The following ADGRA2 variants were observed in gnomAD, a reference collection of about 807,000 sequenced individuals.
ADGRA2 encodes G-protein coupled receptor 124.
A neutral mutation model predicts 98.7 loss-of-function variants in ADGRA2; 61 were observed. The observed-to-expected ratio is 0.62, with a 90% confidence interval of 0.50 to 0.76. The LOEUF (loss-of-function observed/expected upper bound fraction) is 0.76. Among genes scored for constraint, ADGRA2 ranks in the 30% least tolerant of loss-of-function variants. The pLI, the probability that ADGRA2 is intolerant of heterozygous loss-of-function variation, is 0.00. For synonymous variants in ADGRA2, 858 were observed against 831.5 expected, an observed-to-expected ratio of 1.03 and a Z score of -0.55; for missense variants, 1,712 against 1,860.0, an observed-to-expected ratio of 0.92 and a Z score of 1.46.
intron 2 of ADGRA2, among the ~76,000 whole-genome samples, chr8:37,827,792 T>G (rs919378166): frequency 7.9e-5 from 12 of 152,090 alleles, no homozygotes; most frequent in African/African-American, 2.9e-4. Flanking sequence ...CTGACCTGTT[T>G]CCTCGCCTGT....
At chr8:37,833,595 A>C in intron 9 of ADGRA2, 93 bp from the exon 10 acceptor site, 1 of 1,305,648 alleles carries the variant, frequency 7.7e-7, no homozygotes. Flanking sequence ...GTCCCCAGGC[A>C]CTGAGCACTG....
At chr8:37,825,385 A>G (rs1805246230) in intron 2 of ADGRA2, among the ~76,000 whole-genome samples, 1 of 150,706 alleles carries the variant, frequency 6.6e-6, no homozygotes. Context: ...CTGGAATTAC[A>G]GGCGCCCACC....
Position 37,837,765 on chromosome 8 carries a change from G to T in ADGRA2, c.2085G>T (p.Val695=). ...GCGTGGGAAACCTGACAGAGCCAGT[G>T]GCCGTTTCGCTGCGGCACTGGGCTG... is the stretch of plus-strand genomic sequence containing the variant. The part of the protein sequence containing the change: ...GCGVGNLTEP[V]AVSLRHWAEG... Residue 695 remains valine, a synonymous_variant, in exon 14 of 19, where the codon GTG becomes GTT. Transcript: ENST00000412232. 6.4e-7 allele frequency: 1 copy of T among 1,553,250 alleles called. No homozygotes were observed. The highest frequency in any genetic ancestry group is 8.7e-7 in the Non-Finnish European group (1 of 1,148,458).
chr8:37,835,191 A>G lies in ADGRA2; in HGVS notation c.1626A>G (p.Ala542=). Residue 542 remains alanine (A), a synonymous_variant, in exon 12 of 19, where the codon GCA becomes GCG. Coordinates refer to ENST00000412232, the MANE Select transcript of ADGRA2 (RefSeq NM_032777.10). ...GTCCCCAGAATGCGAGGAACGTGGC[A>G]TTGGAGGCCTACCTCATCAAGCCGC... The part of the protein sequence containing the change: ...QHISVNARNV[A]LEAYLIKPHS... 2 of 1,613,710 alleles carry G rather than the reference A, an allele frequency of 1.2e-6. No homozygotes were observed. Among genetic ancestry groups the G allele is most frequent in the Non-Finnish European group, 1.7e-6 (2 of 1,179,758 alleles).
In ADGRA2 at chr8:37,837,916, T is replaced by G; in HGVS notation, c.2236T>G (p.Leu746Val). The G allele has an allele frequency of 6.8e-7, 1 of 1,467,374 alleles. No homozygotes were observed. Among genetic ancestry groups the G allele is most frequent in the Non-Finnish European group, 9.0e-7 (1 of 1,108,472 alleles). 90.9% of individuals were successfully genotyped at this position (1,467,374 alleles called of 1,614,324 possible). ...TGTCAGCGCCCTGCACTGCCAGCAC[T>G]TGGGCAATGTGGCCGTGCTCATGGT... ...PNVSALHCQH[L>V]GNVAVLMELS... Residue 746 changes from leucine to valine, a missense_variant, in exon 14 of 19, where the codon TTG becomes GTG. Coordinates refer to ENST00000412232, the MANE Select transcript of ADGRA2 (RefSeq NM_032777.10).
rs1050702512 is a variant in ADGRA2, at chr8:37,844,000, T to A, written c.*1645T>A. The A allele has an allele frequency of 6.3e-6, 1 of 158,912 alleles. No homozygotes were observed. The highest frequency in any genetic ancestry group is 2.4e-5 in the African/African-American group (1 of 41,558). The allele number at this position is 158,912 out of a possible 1,614,324, so 9.8% of individuals were successfully genotyped here. ...TGCCTTAGTCTACCCACTGTCCTTT[T>A]GTTATGAGGTAGAGGATCTCATGAC... On this transcript the variant is annotated 3_prime_UTR_variant, in exon 19 of 19. Coordinates refer to ENST00000412232, the MANE Select transcript of ADGRA2 (RefSeq NM_032777.10).
At chr8:37,829,740 C>G (rs1249894340) in intron 5 of ADGRA2, 111 bp from the exon 6 acceptor site, 12 of 1,145,680 alleles carry the variant, frequency 1.0e-5, no homozygotes, top group Middle Eastern at 5.4e-4. Context: ...CACATAGACC[C>G]GATTTTGCCC....
chr8:37,844,315 C>T lies in ADGRA2; in HGVS notation c.*1960C>T. 2 of 722,046 alleles carry T rather than the reference C, an allele frequency of 2.8e-6. No homozygotes were observed. Among genetic ancestry groups the T allele is most frequent in the Admixed American group, 2.9e-5 (1 of 34,810 alleles). The allele number at this position is 722,046 out of a possible 1,614,324, so 44.7% of individuals were successfully genotyped here. On this transcript the variant is annotated 3_prime_UTR_variant, in exon 19 of 19. Transcript: ENST00000412232. ...GGAATCTCTCCTACCTATAGTCATC[C>T]CTGCACTCCTGACTTTACTCCAGGA...
chr8:37,800,393 T>C (rs1054093310), intron 1 of ADGRA2, among the ~76,000 whole-genome samples: 2 of 152,182 alleles, frequency 1.3e-5, no homozygotes, highest in Admixed American at 6.5e-5. Context: ...CTCAGAGCTC[T>C]CCGAGTAGAT....
rs1805327331 is a variant in ADGRA2 at position 37,827,960 on chromosome 8, C to A, written c.339-928C>A. Among the ~76,000 whole-genome samples the A allele has an allele frequency of 2.0e-5, 3 of 151,610 alleles. No individual in the cohort carries two copies. In the South Asian group the frequency reaches 6.2e-4, roughly 31 times the overall value. Reference sequence around the variant, plus strand: ...ACCAGCCTGGGCAACATAGTGGGACCCTGTCTCTACCAAAAAAAATTTTTT... The same window carrying A: ...ACCAGCCTGGGCAACATAGTGGGACACTGTCTCTACCAAAAAAAATTTTTT... On this transcript the variant is annotated intron_variant, in intron 2 of 18. Transcript: ENST00000412232.
Position 37,843,314 on chromosome 8 carries a change from C to G in ADGRA2, c.*959C>G, listed in dbSNP as rs891965218. On this transcript the variant is annotated 3_prime_UTR_variant, in exon 19 of 19. Transcript: ENST00000412232. ...CTAAGGAAGAGCACTTCCTTGCCTC[C>G]GTAAGGCCAGAGGAAGAACCATCCC... 2.0e-5 allele frequency: 3 copies of G among 152,328 alleles called. No individual in the cohort carries two copies. The highest frequency in any genetic ancestry group is 2.0e-4 in the Admixed American group (3 of 15,290). 9.4% of individuals were successfully genotyped at this position (152,328 alleles called of 1,614,324 possible).
Position 37,840,107 on chromosome 8 carries a change from C to T in ADGRA2, c.2512-14C>T. 1 of 1,571,590 alleles carries T rather than the reference C, an allele frequency of 6.4e-7. No individual in the cohort carries two copies. The stretch of plus-strand genomic sequence containing the variant: ...AGTCCCCAGGTCCCCAGCCTCCGTG[C>T]CTTGACCCCGCAGGTGGGCATCACC... On this transcript the variant is annotated splice_polypyrimidine_tract_variant and intron_variant, in intron 16 of 18. Transcript: ENST00000412232.
At position 37,814,168 on chromosome 8, in the gene ADGRA2, G is replaced by A. The variant is rs930773014; in HGVS notation, c.267-728G>A. ...GCAGAGAAAGGCTGAGTGGGTGGGC[G>A]GAGATGAGACACTCGGTCTCTCTCA... On this transcript the variant is annotated intron_variant, in intron 1 of 18. Transcript: ENST00000412232. The surrounding 1 kb of genome is among the most constrained non-coding windows in gnomAD (Gnocchi z 4.3). Among the ~76,000 whole-genome samples, 1 of 152,314 alleles carries A rather than the reference G, an allele frequency of 6.6e-6. No individual in the cohort carries two copies. The highest frequency in any genetic ancestry group is 2.1e-4 in the South Asian group (1 of 4,826).
intron 1 of ADGRA2, among the ~76,000 whole-genome samples, chr8:37,798,238 C>T (rs569593669): frequency 6.6e-6 from 1 of 152,372 alleles, no homozygotes; most frequent in East Asian, 1.9e-4. Flanking sequence ...TCTCCTTTGC[C>T]TCTCCTGGAA....
rs762147062 is a variant in ADGRA2 at position 37,844,514 on chromosome 8, GGCAGCCTGTCTA to G, written c.*2168_*2179del. 3 of 1,613,350 alleles carry G rather than the reference GGCAGCCTGTCTA, an allele frequency of 1.9e-6. No individual in the cohort carries two copies. In the South Asian group the frequency reaches 3.3e-5, roughly 18 times the overall value. On this transcript the variant is annotated 3_prime_UTR_variant, in exon 19 of 19. Transcript: ENST00000412232. ...ATCAGGGAGGGTTAGGGACACTCGT[GGCAGCCTGTCTA>G]GCAGCCTGGGCTCTCTGAAAGTCCC...
At position 37,833,963 on chromosome 8, in the gene ADGRA2, C is replaced by T. The variant is rs1805534049; in HGVS notation, c.1447-4C>T. On this transcript the variant is annotated splice_polypyrimidine_tract_variant and splice_region_variant and intron_variant, in intron 10 of 18. Coordinates refer to ENST00000412232, the MANE Select transcript of ADGRA2 (RefSeq NM_032777.10). ...TGCCCTCAGCAACTTCCCTGTCCCC[C>T]CAGCTGGTAGAGGTGATGGTGGACA... The T allele has an allele frequency of 6.2e-7, 1 of 1,611,034 alleles. No individual in the cohort carries two copies. Among genetic ancestry groups the T allele is most frequent in the South Asian group, 1.1e-5 (1 of 90,896 alleles).
Position 37,842,342 on chromosome 8 carries a change from A to T in ADGRA2, c.4004A>T (p.Glu1335Val), listed in dbSNP as rs1160589266. The T allele has an allele frequency of 6.7e-7, 1 of 1,501,598 alleles. No individual in the cohort carries two copies. 93.0% of individuals were successfully genotyped at this position (1,501,598 alleles called of 1,614,324 possible). A position where few individuals can be genotyped will look rare whatever the true frequency, so the allele number is the denominator to read the frequency against. ...GCMKTGLWKSETTV is the reference protein window; with the variant it reads ...GCMKTGLWKSVTTV Reference sequence around the variant, plus strand: ...ATGAAGACCGGACTCTGGAAGAGCGAAACTACCGTCTAAGGTGGGGCGGGC... The same window carrying T: ...ATGAAGACCGGACTCTGGAAGAGCGTAACTACCGTCTAAGGTGGGGCGGGC... The change falls in exon 19 of 19, where the codon GAA becomes GTA. Residue 1335 changes from glutamate to valine, a missense_variant. Coordinates refer to ENST00000412232, the MANE Select transcript of ADGRA2 (RefSeq NM_032777.10).
At chr8:37,828,573 G>A (rs560732006) in intron 2 of ADGRA2, among the ~76,000 whole-genome samples, 25 of 135,906 alleles carry the variant, frequency 1.8e-4, no homozygotes, top group East Asian at 9.7e-4. Flanking sequence ...TGCAGCCTCC[G>A]CCTCCCGGGT....
chr8:37,838,920 C>T (rs1168940744), intron 14 of ADGRA2, 36 bp from the exon 15 acceptor site: 1 of 1,536,444 alleles, frequency 6.5e-7, no homozygotes, highest in East Asian at 2.3e-5. Flanking sequence ...GCGAGGTGTC[C>T]ACATTCCTCA....
Sources: gnomAD v4.1 joint callset for allele counts (sites outside exome capture counted in the v4.1 genomes callset) on GRCh38, gnomAD v4.1.1 for gene constraint, Gnocchi (gnomAD v3.1) non-coding constraint, MANE v1.5 for transcripts, NCBI Gene and HGNC (gene_info 2026-07-23, HGNC 2026-07-21) for gene names.